SLC7A11: variants seen among roughly 807,000 people sequenced by gnomAD.
The protein encoded by SLC7A11 is solute carrier family 7 member 11, also known as cystine/glutamate transporter.
SLC7A11 carries 35 observed loss-of-function variants against 54.5 expected under a neutral mutation model. That is an observed-to-expected ratio of 0.64 (90% CI 0.49 to 0.85). The LOEUF (loss-of-function observed/expected upper bound fraction) is 0.85, where lower values mean the gene tolerates loss of function less well. Among genes scored for constraint, SLC7A11 ranks in the 40% least tolerant of loss-of-function variants. SLC7A11 has a pLI of 0.00. For synonymous variants in SLC7A11, 230 were observed against 225.2 expected (o/e 1.02, Z -0.19); for missense variants, 583 against 618.1 (o/e 0.94, Z 0.60).
chr4:138,223,361 C>A, intron 3 of SLC7A11, 37 bp from the exon 4 acceptor site: 1 of 1,607,836 alleles, frequency 6.2e-7, no homozygotes, highest in South Asian at 1.1e-5. Context: ...AAGGTGAATT[C>A]TCACTGGCAC....
intron 1 of SLC7A11, 114 bp downstream of exon 1, chr4:138,241,676 AAAT>A: frequency 1.3e-6 from 1 of 789,586 alleles, no homozygotes; most frequent in South Asian, 1.7e-5. Flanking sequence ...AAAATTTTAA[AAAT>A]TTGGTGTGGC....
chr4:138,209,815 T>C (rs1450112395), intron 6 of SLC7A11, among the ~76,000 whole-genome samples: 1 of 152,128 alleles, frequency 6.6e-6, no homozygotes, highest in Non-Finnish European at 1.5e-5. Context: ...ATGGCAGTAC[T>C]GCCCAAAGCA....
chr4:138,180,125 C>G (rs1340124560), intron 10 of SLC7A11, among the ~76,000 whole-genome samples: 1 of 152,038 alleles, frequency 6.6e-6, no homozygotes, highest in East Asian at 1.9e-4. Context: ...TAGATCTTCT[C>G]TTTCCCTGTA....
chr4:138,231,957 T>C (rs1738089521), intron 3 of SLC7A11, among the ~76,000 whole-genome samples: 2 of 152,168 alleles, frequency 1.3e-5, no homozygotes, highest in African/African-American at 4.8e-5. Flanking sequence ...CCAATTCAAG[T>C]AGTCTCTAAA....
intron 7 of SLC7A11, among the ~76,000 whole-genome samples, chr4:138,184,553 C>A (rs1387140972): frequency 1.3e-5 from 2 of 152,068 alleles, no homozygotes; most frequent in African/African-American, 4.8e-5. Context: ...AGTTCAAATG[C>A]ATGTTGGTAT....
chr4:138,236,246 A>G, intron 2 of SLC7A11, 79 bp downstream of exon 2: 2 of 1,281,392 alleles, frequency 1.6e-6, no homozygotes. Context: ...GCATGTGTCT[A>G]ACCAGTTAAA....
rs144983294 is a variant in SLC7A11, at chr4:138,231,820, C to T, written c.520+447G>A. On this transcript the variant is annotated intron_variant, in intron 3 of 11. Transcript: ENST00000280612. ...TCTTTTCATGACCAACAACAGGCAG[C>T]TGACATTATAACACTGGGAGTGACA... is the stretch of plus-strand genomic sequence containing the variant. Among the ~76,000 whole-genome samples, 504 of 152,198 alleles carry T rather than the reference C, an allele frequency of 3.3e-3. 6 individuals carry two copies. The highest frequency in any genetic ancestry group is 0.012 in the African/African-American group (483 of 41,530).
chr4:138,229,516 T>C (rs1009403841), intron 3 of SLC7A11, among the ~76,000 whole-genome samples: 7 of 152,236 alleles, frequency 4.6e-5, no homozygotes, highest in African/African-American at 1.7e-4. Flanking sequence ...TAATAACTTA[T>C]GGCAAAAATA....
intron 1 of SLC7A11, among the ~76,000 whole-genome samples, chr4:138,238,783 T>A (rs1738304083): frequency 6.6e-6 from 1 of 151,912 alleles, no homozygotes; most frequent in Non-Finnish European, 1.5e-5. Flanking sequence ...GTGTATTTTT[T>A]GTAGAGGCAG....
Position 138,236,208 on chromosome 4 carries a change from A to T in SLC7A11, c.404+117T>A. 3.9e-6 allele frequency: 3 copies of T among 778,452 alleles called. No individual in the cohort carries two copies. In the East Asian group the frequency reaches 8.2e-5, roughly 21 times the overall value. The allele number at this position is 778,452 out of a possible 1,614,324, so 48.2% of individuals were successfully genotyped here. On this transcript the variant is annotated intron_variant, in intron 2 of 11. Transcript: ENST00000280612. ...TCACAGGCTTTATATCCTGAGGTAG[A>T]CATGTTTATCATGTAGTCACATGAC...
At chr4:138,228,554 C>T (rs1578669187) in intron 3 of SLC7A11, among the ~76,000 whole-genome samples, 2 of 151,582 alleles carry the variant, frequency 1.3e-5, no homozygotes, top group Admixed American at 6.6e-5. Context: ...GTCAGGAGAT[C>T]GAGACCATCC....
chr4:138,185,795 C>A (rs1190753617), intron 6 of SLC7A11, among the ~76,000 whole-genome samples: 1 of 152,098 alleles, frequency 6.6e-6, no homozygotes, highest in Non-Finnish European at 1.5e-5. Flanking sequence ...CTTTCATTCC[C>A]ACCAAATAAA....
chr4:138,236,374 C>T lies in SLC7A11; in HGVS notation c.355G>A (p.Gly119Ser). The T allele has an allele frequency of 6.2e-7, 1 of 1,612,934 alleles. No homozygotes were observed. The highest frequency in any genetic ancestry group is 8.5e-7 in the Non-Finnish European group (1 of 1,179,326). ...GHYTYILEVF[G>S]PLPAFVRVWV... ...ACTCGTACAAAAGCTGGTAATGGAC[C>T]AAAGACTTCCAAAATATATGTGTAA... The change falls in exon 2 of 12, where the codon GGT (glycine) becomes AGT (serine). Residue 119 changes from glycine (G) to serine (S), a missense_variant. By Grantham distance (56) the Gly-to-Ser change is moderately conservative. Coordinates refer to ENST00000280612, the MANE Select transcript of SLC7A11 (RefSeq NM_014331.4).
At chr4:138,173,819 G>T (rs1338455392) in intron 11 of SLC7A11, among the ~76,000 whole-genome samples, 1 of 151,888 alleles carries the variant, frequency 6.6e-6, no homozygotes, top group African/African-American at 2.4e-5. Context: ...ACATTGAGAT[G>T]TAAGTGCAGC....
chr4:138,194,277 C>T (rs1737079552), intron 6 of SLC7A11, among the ~76,000 whole-genome samples: 1 of 152,082 alleles, frequency 6.6e-6, no homozygotes. Flanking sequence ...TAAGCCCTCC[C>T]TCTCCTCTCC....
chr4:138,224,632 A>C (rs1178954945), intron 3 of SLC7A11, among the ~76,000 whole-genome samples: 1 of 152,108 alleles, frequency 6.6e-6, no homozygotes, highest in Non-Finnish European at 1.5e-5. Context: ...TAAACCTCCT[A>C]AAGGAAGGCT....
At chr4:138,228,720 C>A (rs575826407) in intron 3 of SLC7A11, among the ~76,000 whole-genome samples, 53 of 135,944 alleles carry the variant, frequency 3.9e-4, no homozygotes, top group African/African-American at 1.4e-3. Flanking sequence ...GATCATGCCA[C>A]TGCACTCCAG....
rs138390029 is a variant in SLC7A11, at chr4:138,198,759, C to T, written c.792-13515G>A. On this transcript the variant is annotated intron_variant, in intron 6 of 11. Coordinates refer to ENST00000280612, the MANE Select transcript of SLC7A11 (RefSeq NM_014331.4). The stretch of plus-strand genomic sequence containing the variant: ...TAATCCAGAATTATTATTATTTTTG[C>T]ACCAACCTAATACATTAAGAAACAT... Among the ~76,000 whole-genome samples the T allele has an allele frequency of 3.6e-3, 543 of 152,152 alleles. 4 individuals are homozygous for T. Among genetic ancestry groups the T allele is most frequent in the Admixed American group, 8.8e-3 (134 of 15,240 alleles).
Position 138,168,084 on chromosome 4 carries a change from T to C in SLC7A11, c.*3872A>G, listed in dbSNP as rs1736313341. 6.6e-6 allele frequency: 1 copy of C among 152,192 alleles called. No homozygotes were observed. The highest frequency in any genetic ancestry group is 1.5e-5 in the Non-Finnish European group (1 of 68,028). The allele number at this position is 152,192 out of a possible 1,614,324, so 9.4% of individuals were successfully genotyped here. On this transcript the variant is annotated 3_prime_UTR_variant, in exon 12 of 12. Transcript: ENST00000280612. ...TCTAACAGAAAAAAATAACAGGAAT[T>C]ATTTTACTTTACTCACATGGACAAT...
Sources: allele counts gnomAD v4.1 joint callset (sites outside exome capture counted in the v4.1 genomes callset), GRCh38; gene constraint gnomAD v4.1.1; transcripts MANE v1.5; gene names NCBI Gene and HGNC (gene_info 2026-07-23, HGNC 2026-07-21).